SH3BGRL2: variants seen among roughly 807,000 people sequenced by gnomAD.
The protein encoded by SH3BGRL2 is SH3 domain binding glutamate rich protein like 2, also known as SH3 domain-binding glutamic acid-rich-like protein 2.
Under a neutral mutation model 14.8 loss-of-function variants are expected in SH3BGRL2, and 21 were observed. That is an observed-to-expected ratio of 1.42 (90% confidence interval 1.01 to 2.05). The LOEUF (loss-of-function observed/expected upper bound fraction) is 2.05, where lower values mean the gene tolerates loss of function less well. Among genes scored for constraint, SH3BGRL2 ranks in the 30% most tolerant of loss-of-function variants. The pLI is 0.00. For missense variants in SH3BGRL2, 147 were observed against 130.8 expected, an observed-to-expected ratio of 1.12 and a Z score of -0.61; for synonymous variants, 50 against 47.8, an observed-to-expected ratio of 1.05 and a Z score of -0.19.
the SH3BGRL2 span, among the ~76,000 whole-genome samples, chr6:79,590,305 TA>T: frequency 1.2e-3 from 179 of 151,098 alleles, no homozygotes; most frequent in Non-Finnish European, 1.7e-3. Flanking sequence ...CAAAAGAAAA[TA>T]AATTGTTCTA....
chr6:79,672,824 C>T (rs976063386), intron 1 of SH3BGRL2, among the ~76,000 whole-genome samples: 6 of 152,120 alleles, frequency 3.9e-5, no homozygotes, highest in African/African-American at 9.6e-5. Flanking sequence ...ACATCTGACC[C>T]CTAGTGACTG....
At chr6:79,599,919 C>A in the SH3BGRL2 span, among the ~76,000 whole-genome samples, 1 of 152,070 alleles carries the variant, frequency 6.6e-6, no homozygotes, top group South Asian at 2.1e-4. Context: ...AGTGTGGAGT[C>A]CTAATTAGCG....
At chr6:79,634,770 A>G (rs1291439169) in intron 1 of SH3BGRL2, among the ~76,000 whole-genome samples, 1 of 152,198 alleles carries the variant, frequency 6.6e-6, no homozygotes, top group Non-Finnish European at 1.5e-5. Context: ...TCTTGCAGGA[A>G]CATTCTTACC....
At chr6:79,562,585 C>G in the SH3BGRL2 span, among the ~76,000 whole-genome samples, 6 of 152,138 alleles carry the variant, frequency 3.9e-5, no homozygotes, top group Non-Finnish European at 7.4e-5. Flanking sequence ...GTTTCATCCT[C>G]CTTTTCCAAT....
At chr6:79,553,839 A>G in the SH3BGRL2 span, among the ~76,000 whole-genome samples, 32,472 of 151,854 alleles carry the variant, frequency 0.21, 3,569 homozygotes, top group African/African-American at 0.27. Flanking sequence ...GTGGTGGCAC[A>G]TGCCTGTAAT....
the SH3BGRL2 span, among the ~76,000 whole-genome samples, chr6:79,625,128 G>A: frequency 0.093 from 14,161 of 151,838 alleles, 1,166 homozygotes; most frequent in East Asian, 0.44. Context: ...AGCCGTGATC[G>A]CACCACTGCA....
At chr6:79,577,811 G>A in the SH3BGRL2 span, among the ~76,000 whole-genome samples, 1 of 152,210 alleles carries the variant, frequency 6.6e-6, no homozygotes, top group Non-Finnish European at 1.5e-5. Flanking sequence ...GCCGAAGCAG[G>A]GCGGGGCATC....
intron 2 of SH3BGRL2, among the ~76,000 whole-genome samples, chr6:79,685,443 C>CT: frequency 6.6e-6 from 1 of 152,262 alleles, no homozygotes; most frequent in East Asian, 1.9e-4. Flanking sequence ...AATATGTAGC[C>CT]TTTTCATGAG....
At chr6:79,670,666 G>A (rs1397379227) in intron 1 of SH3BGRL2, among the ~76,000 whole-genome samples, 1 of 152,150 alleles carries the variant, frequency 6.6e-6, no homozygotes, top group African/African-American at 2.4e-5. Context: ...ACTTATTAAG[G>A]GTTTATTTGT....
chr6:79,631,557 T>G (rs748068307), intron 1 of SH3BGRL2, 51 bp downstream of exon 1: 171 of 1,323,646 alleles, frequency 1.3e-4, no homozygotes, highest in Non-Finnish European at 1.6e-4. Flanking sequence ...GCGCGGGTCC[T>G]GCGGGAGGCG....
At chr6:79,541,359 AG>A in the SH3BGRL2 span, among the ~76,000 whole-genome samples, 1 of 152,208 alleles carries the variant, frequency 6.6e-6, no homozygotes, top group South Asian at 2.1e-4. Flanking sequence ...TTAAAAAAAA[AG>A]AATGCATTGG....
At chr6:79,659,805 C>T (rs144522869) in intron 1 of SH3BGRL2, among the ~76,000 whole-genome samples, 1,970 of 152,192 alleles carry the variant, frequency 0.013, 18 homozygotes, top group Non-Finnish European at 0.019. Flanking sequence ...TCTGTCCTCT[C>T]TTATTTCTTT....
At chr6:79,688,020 T>C (rs948178892) in intron 2 of SH3BGRL2, among the ~76,000 whole-genome samples, 7 of 152,198 alleles carry the variant, frequency 4.6e-5, no homozygotes, top group Non-Finnish European at 7.4e-5. Flanking sequence ...TTGTCTCAGA[T>C]GCTTGCTTAG....
chr6:79,607,227 C>A, the SH3BGRL2 span, among the ~76,000 whole-genome samples: 1 of 152,164 alleles, frequency 6.6e-6, no homozygotes, highest in African/African-American at 2.4e-5. Context: ...CACTGATTCC[C>A]TGTAGCTTCA....
At chr6:79,638,944 A>G (rs900866749) in intron 1 of SH3BGRL2, among the ~76,000 whole-genome samples, 2 of 152,174 alleles carry the variant, frequency 1.3e-5, no homozygotes, top group African/African-American at 4.8e-5. Context: ...TATTTATAAT[A>G]TGAAAAACAA....
At chr6:79,545,486 C>A in the SH3BGRL2 span, among the ~76,000 whole-genome samples, 1 of 152,094 alleles carries the variant, frequency 6.6e-6, no homozygotes, top group Non-Finnish European at 1.5e-5. Context: ...CATTATTATA[C>A]CTTGGTAAAT....
At chr6:79,550,972 CA>C in the SH3BGRL2 span, among the ~76,000 whole-genome samples, 1 of 152,090 alleles carries the variant, frequency 6.6e-6, no homozygotes, top group African/African-American at 2.4e-5. Flanking sequence ...AGATTTTCTA[CA>C]AAAGTCAGTG....
chr6:79,589,612 C>T, the SH3BGRL2 span, among the ~76,000 whole-genome samples: 21 of 152,052 alleles, frequency 1.4e-4, no homozygotes, highest in Admixed American at 6.6e-5. Flanking sequence ...GAGATTGGGT[C>T]TTCAGAGAAA....
intron 2 of SH3BGRL2, among the ~76,000 whole-genome samples, chr6:79,688,190 G>A (rs1303761192): frequency 6.7e-6 from 1 of 149,892 alleles, no homozygotes; most frequent in Non-Finnish European, 1.5e-5. Flanking sequence ...TATAGGTGAT[G>A]AGAGATTTAA....
Sources: allele counts gnomAD v4.1 joint callset (sites outside exome capture counted in the v4.1 genomes callset), GRCh38; gene constraint gnomAD v4.1.1; transcripts MANE v1.5; gene names NCBI Gene and HGNC (gene_info 2026-07-23, HGNC 2026-07-21).